MYCBP2: variants seen among roughly 807,000 people sequenced by gnomAD.
MYCBP2 encodes MYC binding protein 2.
In MYCBP2, 120 loss-of-function variants were observed where a neutral mutation model predicts 525.3. The ratio of observed to expected loss-of-function variants is 0.23; its 90% confidence interval spans 0.20 to 0.27. The LOEUF (loss-of-function observed/expected upper bound fraction) is 0.27, where lower values mean the gene tolerates loss of function less well. Among genes scored for constraint, MYCBP2 ranks in the 10% least tolerant of loss-of-function variants. The pLI is 1.00. For missense variants in MYCBP2, 4,149 were observed against 5,657.1 expected (o/e 0.73, Z 8.55); for synonymous variants, 1,894 against 1,955.8 (o/e 0.97, Z 0.83).
In MYCBP2 at chr13:77,267,958, T is replaced by C. The variant is rs767698200; in HGVS notation, c.1261-21A>G. 7 of 1,548,274 alleles carry C rather than the reference T, an allele frequency of 4.5e-6. No homozygotes were observed. In the East Asian group the frequency reaches 6.7e-5, roughly 15 times the overall value. On this transcript the variant is annotated intron_variant, in intron 7 of 82. Coordinates refer to ENST00000544440, the MANE Select transcript of MYCBP2 (RefSeq NM_015057.5). The stretch of plus-strand genomic sequence containing the variant: ...TAACCCTGATAACAGCAAAAAATTT[T>C]CCTGTTAAAATATTTATTACTAATT...
Position 77,095,492 on chromosome 13 carries a change from G to C in MYCBP2, c.10065C>G (p.Ser3355Arg). The stretch of plus-strand genomic sequence containing the variant: ...ACAGAATGCTCGGTTCTGCTGCACT[G>C]CTCAGGGACAGCAGGAAGAGTGCAT... ...KANALFLLSLSSAAEPSILCY... is the reference protein window; with the variant it reads ...KANALFLLSLRSAAEPSILCY... The change falls in exon 58 of 83, where the codon AGC becomes AGG. Residue 3355 changes from serine (S) to arginine (R), a missense_variant. This residue lies in a region of MYCBP2 where 509 missense variants were observed against 789.4 expected (regional missense o/e 0.64). Transcript: ENST00000544440. 1 of 1,613,606 alleles carries C rather than the reference G, an allele frequency of 6.2e-7. No homozygotes were observed. The highest frequency in any genetic ancestry group is 8.5e-7 in the Non-Finnish European group (1 of 1,179,748).
intron 46 of MYCBP2, among the ~76,000 whole-genome samples, chr13:77,155,469 T>C (rs909029828): frequency 3.9e-5 from 6 of 152,126 alleles, no homozygotes; most frequent in African/African-American, 1.2e-4. Flanking sequence ...TTAAATGAGA[T>C]ATTCATATTA....
At chr13:77,092,802 C>T (rs1418413598) in intron 59 of MYCBP2, among the ~76,000 whole-genome samples, 1 of 152,132 alleles carries the variant, frequency 6.6e-6, no homozygotes, top group Non-Finnish European at 1.5e-5. Flanking sequence ...CTGATACTAC[C>T]ATACCTAAGT....
chr13:77,212,147 C>T lies in MYCBP2; in HGVS notation c.3071G>A (p.Gly1024Asp). The T allele has an allele frequency of 6.2e-7, 1 of 1,613,878 alleles. No individual in the cohort carries two copies. Among genetic ancestry groups the T allele is most frequent in the Non-Finnish European group, 8.5e-7 (1 of 1,179,906 alleles). The change falls in exon 22 of 83, where the codon GGC becomes GAC. Residue 1024 changes from glycine to aspartate, a missense_variant. Physicochemically the swap from Gly to Asp is moderately conservative, Grantham distance 94 (BLOSUM62 -1). Coordinates refer to ENST00000544440, the MANE Select transcript of MYCBP2 (RefSeq NM_015057.5). The part of the protein sequence containing the change: ...TFGSFSKGQL[G>D]RPILDVPYWN... ...ATATGGCACATCCAAAATTGGTCTGCCCAGTTGTCCTTTCTAAAAGATTAA... is the reference window on the plus strand; with the variant it reads ...ATATGGCACATCCAAAATTGGTCTGTCCAGTTGTCCTTTCTAAAAGATTAA...
chr13:77,217,562 T>C (rs190749499), intron 21 of MYCBP2, among the ~76,000 whole-genome samples: 11 of 152,314 alleles, frequency 7.2e-5, no homozygotes, highest in Admixed American at 4.6e-4. Context: ...ATTAGCTCTA[T>C]TGAATGCTTA....
intron 52 of MYCBP2, among the ~76,000 whole-genome samples, chr13:77,130,810 C>G (rs1184572371): frequency 6.6e-6 from 1 of 151,980 alleles, no homozygotes; most frequent in Non-Finnish European, 1.5e-5. Context: ...TATTTTTTAG[C>G]ATAAATTATT....
chr13:77,145,883 A>T (rs1202711817), intron 48 of MYCBP2, among the ~76,000 whole-genome samples: 2 of 151,690 alleles, frequency 1.3e-5, no homozygotes, highest in East Asian at 3.9e-4. Flanking sequence ...ATCAACCCTA[A>T]ACAAGTCAAT....
intron 82 of MYCBP2, among the ~76,000 whole-genome samples, chr13:77,048,577 C>G (rs2036075722): frequency 6.6e-6 from 1 of 152,162 alleles, no homozygotes; most frequent in African/African-American, 2.4e-5. Flanking sequence ...ATGTGTGAGG[C>G]TGGGAGAGTA....
chr13:77,188,696 A>G (rs1347690317), intron 30 of MYCBP2, among the ~76,000 whole-genome samples: 1 of 152,230 alleles, frequency 6.6e-6, no homozygotes, highest in African/African-American at 2.4e-5. Flanking sequence ...TTACTAGAAA[A>G]GCAAATCGTT....
chr13:77,108,039 T>G (rs975494288), intron 55 of MYCBP2, among the ~76,000 whole-genome samples: 12 of 152,190 alleles, frequency 7.9e-5, no homozygotes, highest in African/African-American at 2.7e-4. Context: ...CTTATTTACA[T>G]AAATGTTAGT....
At chr13:77,157,881 G>A in intron 45 of MYCBP2, 56 bp downstream of exon 45, 1 of 1,417,304 alleles carries the variant, frequency 7.1e-7, no homozygotes, top group Middle Eastern at 1.8e-4. Context: ...CCCTCTTTCA[G>A]AAATGAAGAA....
At position 77,296,695 on chromosome 13, in the gene MYCBP2, G is replaced by A. The variant is rs41288250; in HGVS notation, c.303-21C>T. On this transcript the variant is annotated intron_variant, in intron 1 of 82. Coordinates refer to ENST00000544440, the MANE Select transcript of MYCBP2 (RefSeq NM_015057.5). ...TATTCCTAAATATTAAAAGAAAAAT[G>A]GGAAAAAAATATGAATGTTCATATT... 11,024 of 1,312,482 alleles carry A rather than the reference G, an allele frequency of 8.4e-3. 74 individuals are homozygous for A. The highest frequency in any genetic ancestry group is 0.019 in the Middle Eastern group (82 of 4,232). The allele number at this position is 1,312,482 out of a possible 1,614,324, so 81.3% of individuals were successfully genotyped here. A position where few individuals can be genotyped will look rare whatever the true frequency, so the allele number is the denominator to read the frequency against.
intron 15 of MYCBP2, among the ~76,000 whole-genome samples, chr13:77,244,884 T>C (rs572550235): frequency 6.6e-6 from 1 of 152,294 alleles, no homozygotes; most frequent in African/African-American, 2.4e-5. Context: ...CAAGAAGACA[T>C]TTATTTATGC....
At position 77,224,447 on chromosome 13, in the gene MYCBP2, G is replaced by A. The variant is rs748043982; in HGVS notation, c.2939+4C>T. 6.3e-7 allele frequency: 1 copy of A among 1,584,006 alleles called. No individual in the cohort carries two copies. Among genetic ancestry groups the A allele is most frequent in the South Asian group, 1.1e-5 (1 of 87,534 alleles). ...GGATCTTCAAATGAAAAGTTAGCAA[G>A]TACCTGGAGTTGACATCTCCATGTC... On this transcript the variant is annotated splice_donor_region_variant and intron_variant, in intron 20 of 82. Transcript: ENST00000544440.
At chr13:77,317,604 G>A (rs768222909) in intron 1 of MYCBP2, among the ~76,000 whole-genome samples, 29 of 152,154 alleles carry the variant, frequency 1.9e-4, no homozygotes, top group Non-Finnish European at 3.8e-4. Flanking sequence ...GCTTCTGGAC[G>A]GTGTGGTGCA....
chr13:77,281,582 A>C (rs371159398), intron 3 of MYCBP2, among the ~76,000 whole-genome samples: 1 of 152,274 alleles, frequency 6.6e-6, no homozygotes, highest in East Asian at 1.9e-4. Context: ...TCAAATAATT[A>C]AATTTTGAAG....
chr13:77,277,825 TATA>T (rs1371710119), intron 4 of MYCBP2, among the ~76,000 whole-genome samples: 1 of 152,226 alleles, frequency 6.6e-6, no homozygotes, highest in African/African-American at 2.4e-5. Context: ...AGAATTTTCC[TATA>T]ATAATAGAAG....
chr13:77,127,714 T>C (rs2051935003), intron 52 of MYCBP2, among the ~76,000 whole-genome samples: 1 of 151,888 alleles, frequency 6.6e-6, no homozygotes, highest in Non-Finnish European at 1.5e-5. Flanking sequence ...TGAAGAGATA[T>C]GTATACATGT....
intron 4 of MYCBP2, among the ~76,000 whole-genome samples, chr13:77,276,816 GTTT>G (rs397851660): frequency 3.9e-5 from 3 of 76,218 alleles, no homozygotes; most frequent in South Asian, 5.2e-4. Context: ...TCCATGCCCA[GTTT>G]TTTTTTTTTT....
Sources: allele counts gnomAD v4.1 joint callset (sites outside exome capture counted in the v4.1 genomes callset), GRCh38; gene constraint gnomAD v4.1.1; regional missense constraint gnomAD v4.1.1; transcripts MANE v1.5; gene names NCBI Gene and HGNC (gene_info 2026-07-23, HGNC 2026-07-21).